The following PTPRZ1 variants were observed in gnomAD, a reference collection of about 807,000 sequenced individuals.
PTPRZ1 encodes receptor-type tyrosine-protein phosphatase zeta.
A neutral mutation model predicts 214.1 loss-of-function variants in PTPRZ1; 82 were observed. The ratio of observed to expected loss-of-function variants is 0.38; its 90% CI spans 0.32 to 0.46. The LOEUF (loss-of-function observed/expected upper bound fraction) is 0.46. Ranked by LOEUF, PTPRZ1 falls within the 20% of genes least tolerant of loss-of-function variation. The pLI, the probability that PTPRZ1 is intolerant of heterozygous loss-of-function variation, is 1.00. For synonymous variants in PTPRZ1, 945 were observed against 987.9 expected (o/e 0.96, Z 0.81); for missense variants, 2,603 against 2,748.7 (o/e 0.95, Z 1.19).
chr7:121,992,836 G>A (rs1481179376), intron 8 of PTPRZ1, among the ~76,000 whole-genome samples: 1 of 152,188 alleles, frequency 6.6e-6, no homozygotes, highest in East Asian at 1.9e-4. Context: ...ATAGCTCCCT[G>A]ATAAAGGAGA....
At chr7:122,061,019 T>C in intron 29 of PTPRZ1, 61 bp from the exon 30 acceptor site, 2 of 1,473,338 alleles carry the variant, frequency 1.4e-6, no homozygotes, top group Non-Finnish European at 1.8e-6. Context: ...ATTTCTTCTT[T>C]TTACAAATGT....
intron 3 of PTPRZ1, among the ~76,000 whole-genome samples, chr7:121,971,616 A>G (rs965151131): frequency 6.6e-5 from 10 of 152,204 alleles, no homozygotes; most frequent in East Asian, 1.9e-4. Context: ...TTTATACAGT[A>G]TCTACTTACC....
intron 23 of PTPRZ1, among the ~76,000 whole-genome samples, chr7:122,045,670 T>C (rs1423999549): frequency 7.3e-6 from 1 of 137,812 alleles, no homozygotes; most frequent in African/African-American, 2.9e-5. Flanking sequence ...AGATATCTTT[T>C]CCCTAAATAA....
chr7:122,036,711 A>G, intron 18 of PTPRZ1, 29 bp downstream of exon 18: 2 of 1,464,040 alleles, frequency 1.4e-6, no homozygotes, highest in Non-Finnish European at 1.9e-6. Flanking sequence ...AAAATTTTAT[A>G]GAAATCATAT....
At chr7:122,008,724 T>C (rs1798562363) in intron 11 of PTPRZ1, among the ~76,000 whole-genome samples, 1 of 152,060 alleles carries the variant, frequency 6.6e-6, no homozygotes, top group Non-Finnish European at 1.5e-5. Flanking sequence ...ACCAGAAAAC[T>C]AGGCAAATAT....
intron 1 of PTPRZ1, among the ~76,000 whole-genome samples, chr7:121,899,197 T>C (rs934631873): frequency 6.6e-6 from 1 of 152,172 alleles, no homozygotes; most frequent in Non-Finnish European, 1.5e-5. Flanking sequence ...TATGAGAACA[T>C]ATCTCTCTTT....
rs1248676068 is a variant in PTPRZ1, at chr7:122,012,796, T to A, written c.3750T>A (p.Ser1250=). ...CAGTTTTTGATGTGTCGCCTACTTC[T>A]CATATGCACTCTGCTTCACTTCAAG... is the stretch of plus-strand genomic sequence containing the variant. ...SVPVFDVSPT[S]HMHSASLQGL... is the part of the protein sequence containing the mutation. Residue 1250 remains serine (S), a synonymous_variant, in exon 12 of 30, where the codon TCT becomes TCA. Transcript: ENST00000393386. 1 of 1,611,374 alleles carries A rather than the reference T, an allele frequency of 6.2e-7. No individual in the cohort carries two copies. Among genetic ancestry groups the A allele is most frequent in the Admixed American group, 1.7e-5 (1 of 60,020 alleles).
chr7:121,900,525 A>G (rs1331661078), intron 1 of PTPRZ1, among the ~76,000 whole-genome samples: 1 of 152,174 alleles, frequency 6.6e-6, no homozygotes, highest in Admixed American at 6.5e-5. Context: ...ACCACATGAT[A>G]TGTAAATGAT....
intron 1 of PTPRZ1, among the ~76,000 whole-genome samples, chr7:121,903,750 G>A (rs374297691): frequency 6.6e-6 from 1 of 152,106 alleles, no homozygotes; most frequent in East Asian, 1.9e-4. Flanking sequence ...CCCTTAGCTC[G>A]AGTCCTAAAG....
intron 1 of PTPRZ1, among the ~76,000 whole-genome samples, chr7:121,880,571 C>G (rs1794208448): frequency 6.6e-6 from 1 of 152,094 alleles, no homozygotes; most frequent in Non-Finnish European, 1.5e-5. Context: ...TTTCTCTGAA[C>G]TGATTAACTC....
chr7:121,980,677 C>T (rs967283394), intron 6 of PTPRZ1, among the ~76,000 whole-genome samples: 3 of 152,190 alleles, frequency 2.0e-5, no homozygotes, highest in Admixed American at 6.5e-5. Context: ...CTCCTTTTCC[C>T]TTCAGAAGTT....
Position 121,873,520 on chromosome 7 carries a change from C to T in PTPRZ1, c.21C>T (p.Phe7=), listed in dbSNP as rs377133764. The T allele has an allele frequency of 8.7e-5, 141 of 1,613,938 alleles. 1 individual carries two copies. The highest frequency in any genetic ancestry group is 1.1e-4 in the Non-Finnish European group (125 of 1,180,052). Reference sequence around the variant, plus strand: ...TGGAAATGCGAATCCTAAAGCGTTTCCTCGCTTGCATTCAGCTCCTCTGTG... The same window carrying T: ...TGGAAATGCGAATCCTAAAGCGTTTTCTCGCTTGCATTCAGCTCCTCTGTG... MRILKR[F]LACIQLLCVC... is the part of the protein sequence containing the mutation. The change falls in exon 1 of 30, where the codon TTC becomes TTT. Residue 7 remains phenylalanine (F), a synonymous_variant. Coordinates refer to ENST00000393386, the MANE Select transcript of PTPRZ1 (RefSeq NM_002851.3).
chr7:122,058,685 C>A, intron 27 of PTPRZ1, 115 bp from the exon 28 acceptor site: 1 of 770,982 alleles, frequency 1.3e-6, no homozygotes, highest in Non-Finnish European at 2.0e-6. Context: ...TACTGCTGCT[C>A]ACTCATGCCT....
At chr7:121,935,376 A>C (rs963954975) in intron 2 of PTPRZ1, among the ~76,000 whole-genome samples, 3 of 152,194 alleles carry the variant, frequency 2.0e-5, no homozygotes, top group African/African-American at 7.2e-5. Context: ...CTAGCAGCTC[A>C]GAATGAGGAA....
Position 122,025,559 on chromosome 7 carries a change from G to A in PTPRZ1, c.4989-2993G>A, listed in dbSNP as rs1326711992. ...TTGGTCAGACTGGTCTTGAACTCCC[G>A]ACCTCTGGTGATCTGCCTGCCTAGG... On this transcript the variant is annotated intron_variant, in intron 13 of 29. Transcript: ENST00000393386. 2.1e-4 allele frequency among the ~76,000 whole-genome samples: 32 copies of A among 152,004 alleles called. 1 individual carries two copies. Among genetic ancestry groups the A allele is most frequent in the Admixed American group, 2.0e-3 (30 of 15,262 alleles).
chr7:121,888,494 A>G (rs1219863947), intron 1 of PTPRZ1, among the ~76,000 whole-genome samples: 1 of 152,128 alleles, frequency 6.6e-6, no homozygotes, highest in African/African-American at 2.4e-5. Context: ...GTAACTGCCC[A>G]GTTCTGTGAA....
intron 2 of PTPRZ1, among the ~76,000 whole-genome samples, chr7:121,934,985 C>T (rs1796032553): frequency 6.6e-6 from 1 of 152,098 alleles, no homozygotes; most frequent in South Asian, 2.1e-4. Flanking sequence ...ACACACAAAA[C>T]AGATAAGGAT....
intron 23 of PTPRZ1, among the ~76,000 whole-genome samples, chr7:122,049,551 A>C (rs1313168293): frequency 6.6e-6 from 1 of 152,144 alleles, no homozygotes; most frequent in African/African-American, 2.4e-5. Flanking sequence ...CAAAAACAAT[A>C]ACAAAACAGT....
Position 121,983,658 on chromosome 7 carries a change from T to G in PTPRZ1, c.620-7T>G, listed in dbSNP as rs1395965970. The G allele has an allele frequency of 6.2e-7, 1 of 1,605,876 alleles. No homozygotes were observed. Among genetic ancestry groups the G allele is most frequent in the Non-Finnish European group, 8.5e-7 (1 of 1,176,286 alleles). ...TTCCAGCTGAGATGTATATTATTCC[T>G]TTTTAGGGAAGCAGGCTGCTTTAGA... On this transcript the variant is annotated splice_region_variant and splice_polypyrimidine_tract_variant and intron_variant, in intron 6 of 29. Coordinates refer to ENST00000393386, the MANE Select transcript of PTPRZ1 (RefSeq NM_002851.3).
Sources: allele counts gnomAD v4.1 joint callset (sites outside exome capture counted in the v4.1 genomes callset), GRCh38; gene constraint gnomAD v4.1.1; transcripts MANE v1.5; gene names NCBI Gene and HGNC (gene_info 2026-07-23, HGNC 2026-07-21).